Variants in TMEM61 observed in about 807,000 individuals in gnomAD.
The protein encoded by TMEM61 is transmembrane protein 61.
TMEM61 carries 13 observed loss-of-function variants against 12.0 expected under a neutral mutation model. The ratio of observed to expected loss-of-function variants is 1.08; its 90% CI spans 0.70 to 1.72. The LOEUF is 1.72. Among genes scored for constraint, TMEM61 ranks in the 40% most tolerant of loss-of-function variants. The probability of loss-of-function intolerance (pLI) is 0.00; values close to 1 mark genes in which losing one functional copy is unlikely to be tolerated. For missense variants in TMEM61, 249 were observed against 276.9 expected (o/e 0.90, Z 0.71); for synonymous variants, 109 against 121.4 (o/e 0.90, Z 0.67).
intron 1 of TMEM61, among the ~76,000 whole-genome samples, chr1:54,983,746 G>C (rs1364227821): frequency 1.3e-5 from 2 of 152,168 alleles, no homozygotes; most frequent in African/African-American, 2.4e-5. Flanking sequence ...TGATTTGCTT[G>C]TGTGTTTTGT....
intron 2 of TMEM61, among the ~76,000 whole-genome samples, chr1:54,989,998 C>A (rs761036338): frequency 6.6e-6 from 1 of 151,720 alleles, no homozygotes; most frequent in Non-Finnish European, 1.5e-5. Context: ...CCTCATTTTA[C>A]GGATGAGGAG....
intron 1 of TMEM61, among the ~76,000 whole-genome samples, chr1:54,985,471 AG>A (rs1329841206): frequency 6.6e-6 from 1 of 152,222 alleles, no homozygotes; most frequent in Non-Finnish European, 1.5e-5. Context: ...TCCTGACCTC[AG>A]GTGATCTGCC....
chr1:54,981,370 C>T (rs1172843196), intron 1 of TMEM61, among the ~76,000 whole-genome samples: 2 of 152,190 alleles, frequency 1.3e-5, no homozygotes, highest in African/African-American at 4.8e-5. Flanking sequence ...GTAATCCCAG[C>T]ACTTTGGGAG....
chr1:54,983,866 A>C (rs556290707), intron 1 of TMEM61, among the ~76,000 whole-genome samples: 2 of 152,066 alleles, frequency 1.3e-5, no homozygotes, highest in African/African-American at 4.8e-5. Flanking sequence ...TGCTCCCTAC[A>C]TGAAAAGGCT....
chr1:54,992,133 CAAA>C lies in TMEM61; in HGVS notation c.*33_*35del. 1 of 1,599,242 alleles carries C rather than the reference CAAA, an allele frequency of 6.3e-7. No individual in the cohort carries two copies. The highest frequency in any genetic ancestry group is 8.5e-7 in the Non-Finnish European group (1 of 1,174,778). On this transcript the variant is annotated 3_prime_UTR_variant, in exon 3 of 3. Coordinates refer to ENST00000371268, the MANE Select transcript of TMEM61 (RefSeq NM_182532.3). ...TCCTAGCAGGTCCTGAATCCAGAGA[CAAA>C]AATGCCGTGCCTTCTCCAGAGTCTT... is the stretch of plus-strand genomic sequence containing the variant.
chr1:54,981,788 C>T (rs1335416014), intron 1 of TMEM61, among the ~76,000 whole-genome samples: 2 of 152,196 alleles, frequency 1.3e-5, no homozygotes, highest in African/African-American at 2.4e-5. Flanking sequence ...ACTGAAGATG[C>T]TGCCCCCTTG....
At position 54,991,899 on chromosome 1, in the gene TMEM61, G is replaced by T. The variant is rs780458709; in HGVS notation, c.429G>T (p.Gly143=). Reference sequence around the variant, plus strand: ...CCGTGAGCTTCCCAGTGGCCGAGGGGCCCCCAACACCACCTGCATACCCTA... The same window carrying T: ...CCGTGAGCTTCCCAGTGGCCGAGGGTCCCCCAACACCACCTGCATACCCTA... The part of the protein sequence containing the change: ...EEAVSFPVAE[G]PPTPPAYPTE... The change falls in exon 3 of 3, where the codon GGG becomes GGT. Residue 143 remains glycine (G), a synonymous_variant. Coordinates refer to ENST00000371268, the MANE Select transcript of TMEM61 (RefSeq NM_182532.3). 16 of 1,614,024 alleles carry T rather than the reference G, an allele frequency of 9.9e-6. No individual in the cohort carries two copies. The highest frequency in any genetic ancestry group is 1.4e-5 in the Non-Finnish European group (16 of 1,180,028).
rs1029550167 is a variant in TMEM61, at chr1:54,986,512, C to T, written c.365+66C>T. The T allele has an allele frequency of 4.5e-6, 6 of 1,346,478 alleles. No homozygotes were observed. The Admixed American group carries it at 1.4e-4, about 31-fold the overall frequency. 83.4% of individuals were successfully genotyped at this position (1,346,478 alleles called of 1,614,324 possible). A position where few individuals can be genotyped will look rare whatever the true frequency, so the allele number is the denominator to read the frequency against. ...TAGGGGCCCAGTCACACCAGCCCAC[C>T]AGCCAGCATTTGTAATTCCAGCAAA... On this transcript the variant is annotated intron_variant, in intron 2 of 2. Coordinates refer to ENST00000371268, the MANE Select transcript of TMEM61 (RefSeq NM_182532.3).
chr1:54,986,527 A>G (rs1644262288), intron 2 of TMEM61, 81 bp downstream of exon 2: 1 of 1,219,842 alleles, frequency 8.2e-7, no homozygotes, highest in East Asian at 2.4e-5. Context: ...AGCATTTGTA[A>G]TTCCAGCAAA....
chr1:54,991,871 A>T lies in TMEM61; in HGVS notation c.401A>T (p.Glu134Val). 1 of 1,614,036 alleles carries T rather than the reference A, an allele frequency of 6.2e-7. No homozygotes were observed. Among genetic ancestry groups the T allele is most frequent in the African/African-American group, 1.3e-5 (1 of 75,028 alleles). The change falls in exon 3 of 3, where the codon GAA becomes GTA. Residue 134 changes from glutamate (E) to valine (V), a missense_variant. By Grantham distance (121) the Glu-to-Val change is moderately radical (BLOSUM62 -2). Transcript: ENST00000371268. Reference protein sequence around the residue: ...PKVVDIPTYEEAVSFPVAEGP... With the variant: ...PKVVDIPTYEVAVSFPVAEGP... ...GTGGTTGACATCCCCACTTACGAGG[A>T]AGCCGTGAGCTTCCCAGTGGCCGAG...
In TMEM61 at chr1:54,981,033, C is replaced by A. The variant is rs1381680641; in HGVS notation, c.-33C>A. ...ACCTTCACCTGCGCCCGGCTCCCTG[C>A]GCGCCTGGACAGCGCCTGCTGCCCG... On this transcript the variant is annotated 5_prime_UTR_variant, in exon 1 of 3. Transcript: ENST00000371268. 3 of 1,558,066 alleles carry A rather than the reference C, an allele frequency of 1.9e-6. No individual in the cohort carries two copies. Among genetic ancestry groups the A allele is most frequent in the African/African-American group, 1.4e-5 (1 of 73,508 alleles).
chr1:54,990,393 A>G (rs1037963892), intron 2 of TMEM61, among the ~76,000 whole-genome samples: 12 of 152,102 alleles, frequency 7.9e-5, no homozygotes, highest in Non-Finnish European at 1.5e-4. Context: ...GTGAGGCTGC[A>G]GTGGGCCGAG....
intron 2 of TMEM61, among the ~76,000 whole-genome samples, chr1:54,987,878 AC>A (rs1170481539): frequency 6.6e-6 from 1 of 152,192 alleles, no homozygotes; most frequent in Non-Finnish European, 1.5e-5. Context: ...CCCTGTTTTA[AC>A]AGGGAAAATG....
In TMEM61 at chr1:54,991,574, A is replaced by G. The variant is rs568893580; in HGVS notation, c.366-262A>G. ...CTAGGGTAGGACTTACCCTGCAGAG[A>G]GAACTGAGGAGGCACCAGGAGGTGC... On this transcript the variant is annotated intron_variant, in intron 2 of 2. Coordinates refer to ENST00000371268, the MANE Select transcript of TMEM61 (RefSeq NM_182532.3). Among the ~76,000 whole-genome samples, 48 of 152,306 alleles carry G rather than the reference A, an allele frequency of 3.2e-4. 2 individuals carry two copies. In the South Asian group the frequency reaches 8.5e-3, roughly 27 times the overall value.
chr1:54,987,325 G>T (rs1644267462), intron 2 of TMEM61, among the ~76,000 whole-genome samples: 1 of 152,196 alleles, frequency 6.6e-6, no homozygotes, highest in African/African-American at 2.4e-5. Context: ...CATGCACAAA[G>T]GTATGGGGTT....
rs1644214341 is a variant in TMEM61 at position 54,980,927 on chromosome 1, C to G, written c.-139C>G. On this transcript the variant is annotated 5_prime_UTR_variant, in exon 1 of 3. Coordinates refer to ENST00000371268, the MANE Select transcript of TMEM61 (RefSeq NM_182532.3). ...CTCGGGGGCAGCGGCCAGGCCCCTC[C>G]GCCCCTAACACCCGCGCCTCCTGCA... 1 of 901,204 alleles carries G rather than the reference C, an allele frequency of 1.1e-6. No individual in the cohort carries two copies. Among genetic ancestry groups the G allele is most frequent in the Admixed American group, 3.1e-5 (1 of 31,824 alleles). The allele number at this position is 901,204 out of a possible 1,614,324, so 55.8% of individuals were successfully genotyped here.
chr1:54,986,180 C>T lies in TMEM61; in HGVS notation c.99C>T (p.Leu33=), dbSNP rs770666105. 6.2e-7 allele frequency: 1 copy of T among 1,613,578 alleles called. No homozygotes were observed. The highest frequency in any genetic ancestry group is 1.3e-5 in the African/African-American group (1 of 74,958). ...CAGTGGTTCTGGTGGCCGGGACGCT[C>T]TGCTTCGCTTGGTGGAGCGAAGGGG... ...SGTVVLVAGT[L]CFAWWSEGDA... is the part of the protein sequence containing the mutation. The change falls in exon 2 of 3, where the codon CTC becomes CTT. Residue 33 remains leucine (L), a synonymous_variant. Coordinates refer to ENST00000371268, the MANE Select transcript of TMEM61 (RefSeq NM_182532.3).
In TMEM61 at chr1:54,986,423, G is replaced by T. The variant is rs779644267; in HGVS notation, c.342G>T (p.Glu114Asp). 6.3e-7 allele frequency: 1 copy of T among 1,578,206 alleles called. No individual in the cohort carries two copies. The highest frequency in any genetic ancestry group is 8.6e-7 in the Non-Finnish European group (1 of 1,156,424). The change falls in exon 2 of 3, where the codon GAG becomes GAT. Residue 114 changes from glutamate (E) to aspartate (D), a missense_variant. By Grantham distance (45) the Glu-to-Asp change is conservative (BLOSUM62 2). Transcript: ENST00000371268. ...LSRDLYYLTV[E>D]SSEKESCRTP... is the part of the protein sequence containing the mutation. Reference sequence around the variant, plus strand: ...GAGACCTGTACTACCTCACTGTGGAGTCCTCAGAGAAGGAGAGCTGCAGGT... The same window carrying T: ...GAGACCTGTACTACCTCACTGTGGATTCCTCAGAGAAGGAGAGCTGCAGGT...
chr1:54,986,062 C>T, intron 1 of TMEM61, 35 bp from the exon 2 acceptor site: 2 of 1,539,064 alleles, frequency 1.3e-6, no homozygotes, highest in Non-Finnish European at 1.8e-6. Flanking sequence ...TTTCATATGG[C>T]CCATTTCCTC....
Sources: allele counts gnomAD v4.1 joint callset (sites outside exome capture counted in the v4.1 genomes callset), GRCh38; gene constraint gnomAD v4.1.1; transcripts MANE v1.5; gene names NCBI Gene and HGNC (gene_info 2026-07-23, HGNC 2026-07-21).